PRORP: variants seen among roughly 807,000 people sequenced by gnomAD.
PRORP encodes the protein protein only RNase P catalytic subunit.
A neutral mutation model predicts 59.4 loss-of-function variants in PRORP; 51 were observed. The ratio of observed to expected loss-of-function variants is 0.86; its 90% confidence interval spans 0.69 to 1.08. PRORP has a LOEUF of 1.08. Among genes scored for constraint, PRORP ranks in the 50% least tolerant of loss-of-function variants. PRORP has a pLI of 0.00. For missense variants in PRORP, 646 were observed against 690.3 expected (o/e 0.94, Z 0.72); for synonymous variants, 231 against 245.6 (o/e 0.94, Z 0.55).
intron 4 of PRORP, among the ~76,000 whole-genome samples, chr14:35,179,704 A>G (rs1173845432): frequency 6.6e-6 from 1 of 152,140 alleles, no homozygotes; most frequent in African/African-American, 2.4e-5. Context: ...CAGCTTAGAG[A>G]AGTTTGATCG....
At chr14:35,216,869 A>G (rs1302816645) in intron 5 of PRORP, among the ~76,000 whole-genome samples, 2 of 152,012 alleles carry the variant, frequency 1.3e-5, no homozygotes, top group African/African-American at 2.4e-5. Context: ...ATCGTAAGTG[A>G]TTTTTGACTC....
At chr14:35,204,604 G>A (rs926869883) in intron 5 of PRORP, among the ~76,000 whole-genome samples, 43 of 151,886 alleles carry the variant, frequency 2.8e-4, no homozygotes, top group Admixed American at 2.8e-3. Flanking sequence ...AAGAAACATA[G>A]TCTTTATCCT....
chr14:35,277,508 A>G lies in PRORP; in HGVS notation c.*3942A>G, dbSNP rs1269771117. On this transcript the variant is annotated 3_prime_UTR_variant, in exon 8 of 8. Transcript: ENST00000534898. ...GCTTGAGTCTGTGCTAAATAAACAA[A>G]GGAAGTTCCATTTAGAGCTCTACAG... The G allele has an allele frequency of 6.6e-6, 1 of 150,732 alleles. No individual in the cohort carries two copies. Among genetic ancestry groups the G allele is most frequent in the East Asian group, 1.9e-4 (1 of 5,204 alleles). The allele number at this position is 150,732 out of a possible 1,614,324, so 9.3% of individuals were successfully genotyped here. A position where few individuals can be genotyped will look rare whatever the true frequency, so the allele number is the denominator to read the frequency against.
chr14:35,134,491 C>T (rs2047325719), intron 4 of PRORP, among the ~76,000 whole-genome samples: 1 of 152,168 alleles, frequency 6.6e-6, no homozygotes, highest in South Asian at 2.1e-4. Flanking sequence ...AAGGGCTCTT[C>T]AGTTAGCAGG....
At chr14:35,179,053 ATG>A (rs1173185048) in intron 4 of PRORP, among the ~76,000 whole-genome samples, 2 of 152,186 alleles carry the variant, frequency 1.3e-5, no homozygotes, top group Non-Finnish European at 2.9e-5. Flanking sequence ...TTCTTTAAGA[ATG>A]TTGAATATTG....
chr14:35,156,911 A>G (rs911582732), intron 4 of PRORP, among the ~76,000 whole-genome samples: 9 of 151,466 alleles, frequency 5.9e-5, no homozygotes, highest in Admixed American at 5.3e-4. Flanking sequence ...GTCGTTGTCA[A>G]TATTTCTTGC....
At chr14:35,139,856 AG>A (rs150940693) in intron 4 of PRORP, among the ~76,000 whole-genome samples, 2,250 of 146,054 alleles carry the variant, frequency 0.015, 138 homozygotes, top group African/African-American at 0.053. Flanking sequence ...TGAAGGATCC[AG>A]GGAAGAATCC....
chr14:35,135,720 G>A (rs1416743224), intron 4 of PRORP, among the ~76,000 whole-genome samples: 1 of 152,138 alleles, frequency 6.6e-6, no homozygotes, highest in African/African-American at 2.4e-5. Flanking sequence ...AGCACTTTGG[G>A]TGGCCGAGGC....
At chr14:35,204,291 A>G (rs1331061430) in intron 5 of PRORP, among the ~76,000 whole-genome samples, 2 of 152,236 alleles carry the variant, frequency 1.3e-5, no homozygotes, top group Non-Finnish European at 1.5e-5. Context: ...AAATAGGTCA[A>G]TGAGACCACA....
intron 4 of PRORP, among the ~76,000 whole-genome samples, chr14:35,149,645 G>A (rs1003251894): frequency 1.3e-5 from 2 of 152,140 alleles, no homozygotes; most frequent in African/African-American, 4.8e-5. Flanking sequence ...TTCAGGTCTT[G>A]CTTTGGCTTA....
chr14:35,257,321 C>T (rs1377846250), intron 5 of PRORP, among the ~76,000 whole-genome samples: 2 of 152,202 alleles, frequency 1.3e-5, no homozygotes, highest in African/African-American at 4.8e-5. Context: ...CTCATCTTCC[C>T]AAACTGAAAC....
chr14:35,212,538 G>A (rs1479145164), intron 5 of PRORP, among the ~76,000 whole-genome samples: 1 of 152,144 alleles, frequency 6.6e-6, no homozygotes, highest in Non-Finnish European at 1.5e-5. Context: ...CTCCATAAGA[G>A]CTCTTGGGTG....
chr14:35,180,521 A>AGTGTGTGTGTGTGTGTGT, intron 4 of PRORP, 149 bp from the exon 5 acceptor site: 1 of 467,112 alleles, frequency 2.1e-6, no homozygotes, highest in Middle Eastern at 5.7e-4. Context: ...TCATTTGTAG[A>AGTGTGTGTGTGTGTGTGT]GTATCTGTGT....
At chr14:35,177,006 G>T (rs2048469517) in intron 4 of PRORP, among the ~76,000 whole-genome samples, 1 of 152,168 alleles carries the variant, frequency 6.6e-6, no homozygotes, top group African/African-American at 2.4e-5. Context: ...TAATAGTGTG[G>T]TTTTTGTCTT....
intron 4 of PRORP, among the ~76,000 whole-genome samples, chr14:35,165,766 G>A (rs929656672): frequency 2.0e-5 from 3 of 151,534 alleles, no homozygotes; most frequent in East Asian, 1.9e-4. Context: ...TGCAACCTTC[G>A]CCTCCTGGGT....
intron 5 of PRORP, among the ~76,000 whole-genome samples, chr14:35,198,466 G>A (rs1566492225): frequency 6.6e-6 from 1 of 152,170 alleles, no homozygotes; most frequent in Non-Finnish European, 1.5e-5. Context: ...ACTAATGCTA[G>A]GAAGTTGGTG....
intron 5 of PRORP, among the ~76,000 whole-genome samples, chr14:35,189,778 T>A (rs2139078827): frequency 6.6e-6 from 1 of 152,294 alleles, no homozygotes; most frequent in African/African-American, 2.4e-5. Flanking sequence ...TAGAAAATAG[T>A]ATTTACCCAA....
At chr14:35,231,153 A>C (rs1487377382) in intron 5 of PRORP, among the ~76,000 whole-genome samples, 1 of 152,166 alleles carries the variant, frequency 6.6e-6, no homozygotes, top group Non-Finnish European at 1.5e-5. Context: ...CCATACAAAA[A>C]TGAAGTTCAA....
At chr14:35,198,578 A>G (rs1595290127) in intron 5 of PRORP, among the ~76,000 whole-genome samples, 1 of 152,224 alleles carries the variant, frequency 6.6e-6, no homozygotes, top group South Asian at 2.1e-4. Flanking sequence ...GCAGGGCTAG[A>G]CCTTGTTTTA....
Sources: gnomAD v4.1 joint callset for allele counts (sites outside exome capture counted in the v4.1 genomes callset) on GRCh38, gnomAD v4.1.1 for gene constraint, MANE v1.5 for transcripts, NCBI Gene and HGNC (gene_info 2026-07-23, HGNC 2026-07-21) for gene names.